FHOD3: variants seen among roughly 807,000 people sequenced by gnomAD.
The protein encoded by FHOD3 is FH1/FH2 domain-containing protein 3.
A neutral mutation model predicts 173.0 loss-of-function variants in FHOD3; 90 were observed. The ratio of observed to expected loss-of-function variants is 0.52; its 90% CI spans 0.44 to 0.62. The LOEUF (loss-of-function observed/expected upper bound fraction) is 0.62. Among genes scored for constraint, FHOD3 ranks in the 20% least tolerant of loss-of-function variants. FHOD3 has a pLI of 0.00. For synonymous variants in FHOD3, 828 were observed against 823.0 expected (o/e 1.01, Z -0.10); for missense variants, 1,945 against 2,034.7 (o/e 0.96, Z 0.85).
chr18:36,615,396 A>G (rs1010309010), intron 9 of FHOD3, among the ~76,000 whole-genome samples: 4 of 151,770 alleles, frequency 2.6e-5, no homozygotes, highest in Non-Finnish European at 4.4e-5. Context: ...GGTATATGAA[A>G]AAGCATAAGA....
At chr18:36,652,282 C>G (rs556815321) in intron 11 of FHOD3, among the ~76,000 whole-genome samples, 4 of 152,318 alleles carry the variant, frequency 2.6e-5, no homozygotes, top group African/African-American at 9.6e-5. Context: ...CAGTAAATTC[C>G]CAAAGTCTCT....
At chr18:36,639,230 C>A (rs895321471) in intron 10 of FHOD3, among the ~76,000 whole-genome samples, 35 of 152,188 alleles carry the variant, frequency 2.3e-4, no homozygotes, top group African/African-American at 8.4e-4. Context: ...GCTCTGTCAA[C>A]TTCTGAGGGA....
intron 1 of FHOD3, among the ~76,000 whole-genome samples, chr18:36,327,112 G>A (rs1459720957): frequency 6.6e-6 from 1 of 152,196 alleles, no homozygotes; most frequent in Non-Finnish European, 1.5e-5. Flanking sequence ...AAGCAGCTGA[G>A]GAGGCTCTCC....
intron 8 of FHOD3, 31 bp from the exon 9 acceptor site, chr18:36,611,921 G>A: frequency 2.5e-6 from 4 of 1,600,962 alleles, no homozygotes; most frequent in Non-Finnish European, 3.4e-6. Flanking sequence ...CTTCTGTGGT[G>A]TCTCTGTAGC....
intron 3 of FHOD3, among the ~76,000 whole-genome samples, chr18:36,495,400 G>A (rs2054692169): frequency 6.6e-6 from 1 of 152,144 alleles, no homozygotes; most frequent in African/African-American, 2.4e-5. Context: ...GATTGGAGCT[G>A]TACTACCCTC....
chr18:36,339,618 G>A (rs576901153), intron 1 of FHOD3, among the ~76,000 whole-genome samples: 4 of 152,134 alleles, frequency 2.6e-5, no homozygotes, highest in Non-Finnish European at 4.4e-5. Flanking sequence ...TCCTCACCCC[G>A]CCCAGGGACT....
At chr18:36,466,537 A>G (rs1304868231) in intron 3 of FHOD3, among the ~76,000 whole-genome samples, 1 of 152,098 alleles carries the variant, frequency 6.6e-6, no homozygotes, top group Admixed American at 6.6e-5. Context: ...AAATGGGGGG[A>G]ATATCTTGAG....
intron 15 of FHOD3, among the ~76,000 whole-genome samples, chr18:36,683,613 C>T (rs2038401178): frequency 6.6e-6 from 1 of 152,238 alleles, no homozygotes. Context: ...TATGTCAAAT[C>T]TGGACCAAAA....
At chr18:36,377,735 TC>T (rs1162079493) in intron 3 of FHOD3, among the ~76,000 whole-genome samples, 1 of 152,082 alleles carries the variant, frequency 6.6e-6, no homozygotes, top group East Asian at 1.9e-4. Flanking sequence ...CATGGCAGAC[TC>T]CCCACACGTC....
intron 5 of FHOD3, among the ~76,000 whole-genome samples, chr18:36,571,171 A>G (rs968783664): frequency 3.9e-5 from 6 of 152,228 alleles, no homozygotes; most frequent in African/African-American, 1.2e-4. Context: ...TGTTTAACAA[A>G]GTTATAGGAT....
intron 19 of FHOD3, 29 bp from the exon 20 acceptor site, chr18:36,730,617 A>G (rs1335175616): frequency 1.2e-6 from 2 of 1,605,668 alleles, no homozygotes; most frequent in Admixed American, 1.7e-5. Context: ...TGATGCATTA[A>G]TCTTGGATTC....
At position 36,779,579 on chromosome 18, in the gene FHOD3, G is replaced by C. The variant is rs761286082; in HGVS notation, c.*49G>C. On this transcript the variant is annotated 3_prime_UTR_variant, in exon 29 of 29. Transcript: ENST00000590592. ...TGTGCTGAGCAGAAGGCAAGCTCTT[G>C]CTGGATGAAACCCCTCCAGGTGGGG... 6 of 1,565,710 alleles carry C rather than the reference G, an allele frequency of 3.8e-6. No homozygotes were observed. Among genetic ancestry groups the C allele is most frequent in the Non-Finnish European group, 5.3e-6 (6 of 1,136,704 alleles).
chr18:36,664,780 G>T (rs1220874405), intron 14 of FHOD3, among the ~76,000 whole-genome samples: 1 of 109,102 alleles, frequency 9.2e-6, no homozygotes, highest in Non-Finnish European at 1.9e-5. Flanking sequence ...GTGTATGTGA[G>T]AGAGAGAGAG....
At chr18:36,709,553 C>A in intron 18 of FHOD3, 162 bp downstream of exon 18, 1 of 731,810 alleles carries the variant, frequency 1.4e-6, no homozygotes, top group Non-Finnish European at 2.2e-6. Context: ...AGTGTGGCCA[C>A]GCTGGCAGCC....
Position 36,780,048 on chromosome 18 carries a change from T to C in FHOD3, c.*518T>C, listed in dbSNP as rs2043963911. The C allele has an allele frequency of 6.7e-6, 6 of 893,588 alleles. No individual in the cohort carries two copies. The highest frequency in any genetic ancestry group is 8.8e-6 in the Non-Finnish European group (6 of 678,642). The allele number at this position is 893,588 out of a possible 1,614,324, so 55.4% of individuals were successfully genotyped here. A position where few individuals can be genotyped will look rare whatever the true frequency, so the allele number is the denominator to read the frequency against. On this transcript the variant is annotated 3_prime_UTR_variant, in exon 29 of 29. Coordinates refer to ENST00000590592, the MANE Select transcript of FHOD3 (RefSeq NM_001281740.3). Reference sequence around the variant, plus strand: ...GTTTCAAATACTAAATAAATAGAGTTTAATGCCATAATGAGAAACTTTTAT... The same window carrying C: ...GTTTCAAATACTAAATAAATAGAGTCTAATGCCATAATGAGAAACTTTTAT...
At chr18:36,591,487 T>G (rs1355859584) in intron 6 of FHOD3, among the ~76,000 whole-genome samples, 1 of 152,210 alleles carries the variant, frequency 6.6e-6, no homozygotes, top group East Asian at 1.9e-4. Context: ...GGCCTACCCT[T>G]CACACATATG....
rs546161747 is a variant in FHOD3, at chr18:36,661,037, A to G, written c.1835+2849A>G. ...GAAAAAACATATGATGAATCATTTGACATATCAGATGTGCAGTTTTATTAA... is the reference window on the plus strand; with the variant it reads ...GAAAAAACATATGATGAATCATTTGGCATATCAGATGTGCAGTTTTATTAA... On this transcript the variant is annotated intron_variant, in intron 14 of 28. Coordinates refer to ENST00000590592, the MANE Select transcript of FHOD3 (RefSeq NM_001281740.3). 2.0e-5 allele frequency among the ~76,000 whole-genome samples: 3 copies of G among 152,202 alleles called. No homozygotes were observed. In the South Asian group the frequency reaches 6.2e-4, roughly 32 times the overall value.
intron 1 of FHOD3, among the ~76,000 whole-genome samples, chr18:36,343,981 G>T (rs923913909): frequency 6.6e-6 from 1 of 152,140 alleles, no homozygotes; most frequent in African/African-American, 2.4e-5. Context: ...TTTTGGGGGT[G>T]ATGAAAATGT....
At chr18:36,358,635 A>T (rs562704263) in intron 2 of FHOD3, among the ~76,000 whole-genome samples, 1 of 152,322 alleles carries the variant, frequency 6.6e-6, no homozygotes, top group African/African-American at 2.4e-5. Context: ...AGCCCAAAAG[A>T]TATTGAATAG....
Sources: allele counts gnomAD v4.1 joint callset (sites outside exome capture counted in the v4.1 genomes callset), GRCh38; gene constraint gnomAD v4.1.1; transcripts MANE v1.5; gene names NCBI Gene and HGNC (gene_info 2026-07-23, HGNC 2026-07-21).